The following CNST variants were observed in gnomAD, a reference collection of about 807,000 sequenced individuals.
CNST encodes the protein consortin.
Under a neutral mutation model 72.4 loss-of-function variants are expected in CNST, and 39 were observed. The ratio of observed to expected loss-of-function variants is 0.54; its 90% CI spans 0.42 to 0.70. The LOEUF (loss-of-function observed/expected upper bound fraction) is 0.70, where lower values mean the gene tolerates loss of function less well. Ranked by LOEUF, CNST falls within the 30% of genes least tolerant of loss-of-function variation. CNST has a pLI of 0.00. For missense variants in CNST, 871 were observed against 868.5 expected, an observed-to-expected ratio of 1.00 and a Z score of -0.04; for synonymous variants, 332 against 320.1, an observed-to-expected ratio of 1.04 and a Z score of -0.40.
intron 9 of CNST, among the ~76,000 whole-genome samples, chr1:246,659,531 A>C (rs530535336): frequency 1.1e-4 from 16 of 151,634 alleles, no homozygotes; most frequent in South Asian, 8.4e-4. Context: ...GGAGGCGGAG[A>C]TTGCAGTGAG....
chr1:246,607,048 G>A (rs1348063072), intron 2 of CNST: 1 of 152,520 alleles, frequency 6.6e-6, no homozygotes, highest in Non-Finnish European at 1.5e-5. Flanking sequence ...AGGGAGACCA[G>A]GCTCCGGGGG....
intron 2 of CNST, among the ~76,000 whole-genome samples, chr1:246,615,198 C>T (rs1035125817): frequency 6.6e-5 from 10 of 152,096 alleles, no homozygotes; most frequent in Admixed American, 3.9e-4. Context: ...TTCTTTGAGA[C>T]GGAGTCTCGC....
At position 246,652,820 on chromosome 1, in the gene CNST, C is replaced by T. The variant is rs369129835; in HGVS notation, c.1836+4783C>T. 4.0e-3 allele frequency among the ~76,000 whole-genome samples: 601 copies of T among 150,270 alleles called. 4 individuals are homozygous for T. Among genetic ancestry groups the T allele is most frequent in the African/African-American group, 0.011 (442 of 40,516 alleles). On this transcript the variant is annotated intron_variant, in intron 9 of 10. Coordinates refer to ENST00000366513, the MANE Select transcript of CNST (RefSeq NM_152609.3). ...GAGATCGAGACCATCCTGGCTAACA[C>T]GGTGAAACCCCGTCTCTACTAAAAA...
At chr1:246,636,021 C>T (rs1194280284) in intron 6 of CNST, among the ~76,000 whole-genome samples, 1 of 152,178 alleles carries the variant, frequency 6.6e-6, no homozygotes, top group Non-Finnish European at 1.5e-5. Flanking sequence ...AGGAATCCAT[C>T]GGGGCAGTCC....
At chr1:246,654,635 T>C (rs2103152449) in intron 9 of CNST, among the ~76,000 whole-genome samples, 1 of 152,386 alleles carries the variant, frequency 6.6e-6, no homozygotes, top group Non-Finnish European at 1.5e-5. Flanking sequence ...CTTTATATTC[T>C]CTGCAAAGCT....
chr1:246,666,339 T>C lies in CNST; in HGVS notation c.*434T>C. 6.4e-6 allele frequency: 1 copy of C among 157,108 alleles called. No homozygotes were observed. Among genetic ancestry groups the C allele is most frequent in the Non-Finnish European group, 1.4e-5 (1 of 70,964 alleles). The allele number at this position is 157,108 out of a possible 1,614,324, so 9.7% of individuals were successfully genotyped here. On this transcript the variant is annotated 3_prime_UTR_variant, in exon 11 of 11. Transcript: ENST00000366513. ...TGTGTGTAATCAGAAGGAGTTACCT[T>C]ATGGTTTCAGTGTCATTCTTTAGTT...
At chr1:246,595,019 A>AT (rs1009655932) in intron 2 of CNST, among the ~76,000 whole-genome samples, 3 of 152,150 alleles carry the variant, frequency 2.0e-5, no homozygotes, top group African/African-American at 7.2e-5. Flanking sequence ...GAGTTTTTAT[A>AT]TTTTACAGAT....
chr1:246,618,133 A>G (rs1454939644), intron 2 of CNST, among the ~76,000 whole-genome samples: 1 of 152,204 alleles, frequency 6.6e-6, no homozygotes. Flanking sequence ...CCATTATCGT[A>G]AATAGTTGCT....
chr1:246,622,120 A>C (rs988524589), intron 3 of CNST, among the ~76,000 whole-genome samples: 3 of 152,216 alleles, frequency 2.0e-5, no homozygotes, highest in Non-Finnish European at 4.4e-5. Context: ...GCATATTACT[A>C]ATTGATGGCC....
At chr1:246,626,295 C>A (rs1444604451) in intron 3 of CNST, among the ~76,000 whole-genome samples, 1 of 151,828 alleles carries the variant, frequency 6.6e-6, no homozygotes, top group African/African-American at 2.4e-5. Flanking sequence ...AAGTGATCTT[C>A]CCACCTTGGT....
At chr1:246,662,270 C>G (rs1468060652) in intron 10 of CNST, among the ~76,000 whole-genome samples, 1 of 152,210 alleles carries the variant, frequency 6.6e-6, no homozygotes, top group African/African-American at 2.4e-5. Flanking sequence ...AGGGCCTGTT[C>G]TTCCTTCTGT....
intron 8 of CNST, among the ~76,000 whole-genome samples, chr1:246,645,390 A>T (rs966724170): frequency 6.6e-6 from 1 of 151,588 alleles, no homozygotes; most frequent in Non-Finnish European, 1.5e-5. Flanking sequence ...TATTTATTTA[A>T]GTTAAACAAC....
At position 246,591,789 on chromosome 1, in the gene CNST, C is replaced by T. The variant is rs1325649276; in HGVS notation, c.227C>T (p.Thr76Ile). ...QDSLNNNESC[T>I]LSCEVAAGEN... is the part of the protein sequence containing the mutation. ...AGTCTCAATAATAATGAAAGCTGCA[C>T]ATTGAGCTGCGAGGTGGCTGCAGGT... Residue 76 changes from threonine to isoleucine, a missense_variant, in exon 2 of 11, where the codon ACA (threonine) becomes ATA (isoleucine). Transcript: ENST00000366513. The T allele has an allele frequency of 4.3e-6, 7 of 1,613,872 alleles. No homozygotes were observed. The South Asian group carries it at 6.6e-5, about 15-fold the overall frequency.
chr1:246,602,200 AAGC>A (rs1443438379), intron 2 of CNST, among the ~76,000 whole-genome samples: 1 of 152,354 alleles, frequency 6.6e-6, no homozygotes, highest in East Asian at 1.9e-4. Context: ...TATAATAAAA[AAGC>A]AGAAAATTGA....
chr1:246,636,074 G>A (rs1430159028), intron 6 of CNST, among the ~76,000 whole-genome samples: 2 of 152,348 alleles, frequency 1.3e-5, no homozygotes, highest in African/African-American at 4.8e-5. Context: ...AGTGCACTTA[G>A]GCAGGGGTAT....
At chr1:246,570,934 G>A (rs1660031008) in intron 1 of CNST, among the ~76,000 whole-genome samples, 1 of 152,096 alleles carries the variant, frequency 6.6e-6, no homozygotes, top group Non-Finnish European at 1.5e-5. Flanking sequence ...TGTATGTCTT[G>A]ATACTGTTAT....
chr1:246,608,458 C>T (rs1216977406), intron 2 of CNST, among the ~76,000 whole-genome samples: 1 of 152,224 alleles, frequency 6.6e-6, no homozygotes, highest in African/African-American at 2.4e-5. Context: ...TCTAATCAAA[C>T]TTCTGAGAGG....
chr1:246,591,938 C>A lies in CNST; in HGVS notation c.376C>A (p.Pro126Thr). 1.9e-6 allele frequency: 3 copies of A among 1,599,814 alleles called. No homozygotes were observed. In the South Asian group the frequency reaches 3.4e-5, roughly 18 times the overall value. ...SKKGTAKKIP[P>T]GLFSGDIAPL... ...AAAAGGGACTGCTAAGAAGATACCA[C>A]CAGGTATTGTTTAAAATAGTATTTA... Residue 126 changes from proline (P) to threonine (T), a missense_variant, in exon 2 of 11, where the codon CCA becomes ACA. Coordinates refer to ENST00000366513, the MANE Select transcript of CNST (RefSeq NM_152609.3).
intron 1 of CNST, among the ~76,000 whole-genome samples, chr1:246,588,375 T>TTAA (rs1413511111): frequency 6.6e-6 from 1 of 152,112 alleles, no homozygotes; most frequent in East Asian, 1.9e-4. Context: ...GAGGTAAAAA[T>TTAA]TAATTTTAAA....
Sources: gnomAD v4.1 joint callset for allele counts (sites outside exome capture counted in the v4.1 genomes callset) on GRCh38, gnomAD v4.1.1 for gene constraint, MANE v1.5 for transcripts, NCBI Gene and HGNC (gene_info 2026-07-23, HGNC 2026-07-21) for gene names.